Variants in NDST4 observed in about 807,000 individuals in gnomAD.
NDST4 encodes N-heparan sulfate sulfotransferase 4.
A neutral mutation model predicts 100.8 loss-of-function variants in NDST4; 63 were observed. The observed-to-expected ratio is 0.62, with a 90% CI of 0.51 to 0.77. The LOEUF (loss-of-function observed/expected upper bound fraction) is 0.77. NDST4 is among the 30% of genes least tolerant of loss of function. The pLI is 0.00. For synonymous variants in NDST4, 377 were observed against 361.8 expected (o/e 1.04, Z -0.48); for missense variants, 943 against 1,018.4 (o/e 0.93, Z 1.01).
chr4:114,936,045 G>A (rs1725622709), intron 5 of NDST4, among the ~76,000 whole-genome samples: 2 of 150,274 alleles, frequency 1.3e-5, no homozygotes, highest in South Asian at 4.2e-4. Context: ...TTAAACTTAA[G>A]GTAAATAAAT....
intron 1 of NDST4, among the ~76,000 whole-genome samples, chr4:115,097,881 G>T (rs1578519638): frequency 6.6e-6 from 1 of 152,052 alleles, no homozygotes; most frequent in Admixed American, 6.6e-5. Flanking sequence ...GTACTTCTAG[G>T]CTTCTGGACT....
At chr4:114,851,217 T>G (rs2126188376) in intron 8 of NDST4, among the ~76,000 whole-genome samples, 1 of 152,314 alleles carries the variant, frequency 6.6e-6, no homozygotes, top group Admixed American at 6.5e-5. Flanking sequence ...TTATAGTCTC[T>G]GACAGCACTG....
chr4:114,929,101 C>T (rs113115187), intron 6 of NDST4, among the ~76,000 whole-genome samples: 10,113 of 128,964 alleles, frequency 0.078, 588 homozygotes, highest in East Asian at 0.25. Flanking sequence ...TCCATCCATC[C>T]ATCCATCCAT....
At chr4:114,831,157 A>G (rs1723189479) in intron 12 of NDST4, among the ~76,000 whole-genome samples, 1 of 148,488 alleles carries the variant, frequency 6.7e-6, no homozygotes, top group Non-Finnish European at 1.5e-5. Flanking sequence ...GGTTCACGCC[A>G]TTCTCCTGCC....
chr4:114,955,335 G>A (rs1726113994), intron 4 of NDST4, among the ~76,000 whole-genome samples: 1 of 152,080 alleles, frequency 6.6e-6, no homozygotes, highest in African/African-American at 2.4e-5. Flanking sequence ...GCAACTACAG[G>A]AACGGAGGCA....
chr4:114,979,880 A>G (rs1390576350), intron 2 of NDST4, among the ~76,000 whole-genome samples: 1 of 152,222 alleles, frequency 6.6e-6, no homozygotes, highest in Non-Finnish European at 1.5e-5. Flanking sequence ...AAAGTTTTCA[A>G]GGCTTCCTTG....
chr4:114,965,799 A>C (rs1479678819), intron 4 of NDST4, among the ~76,000 whole-genome samples: 1 of 152,074 alleles, frequency 6.6e-6, no homozygotes, highest in Non-Finnish European at 1.5e-5. Flanking sequence ...GAATAAAGGT[A>C]AACAGTTCAG....
intron 6 of NDST4, among the ~76,000 whole-genome samples, chr4:114,873,535 C>T (rs1180537487): frequency 6.6e-6 from 1 of 151,942 alleles, no homozygotes; most frequent in Non-Finnish European, 1.5e-5. Context: ...AAACATAACA[C>T]TGTCCAATGT....
At chr4:114,837,457 T>C (rs572253852) in intron 11 of NDST4, among the ~76,000 whole-genome samples, 77 of 152,236 alleles carry the variant, frequency 5.1e-4, no homozygotes, top group African/African-American at 1.8e-3. Flanking sequence ...CAAACAAGCA[T>C]GGTACTGGCA....
intron 6 of NDST4, among the ~76,000 whole-genome samples, chr4:114,877,535 T>A (rs1724280869): frequency 6.6e-6 from 1 of 152,164 alleles, no homozygotes; most frequent in African/African-American, 2.4e-5. Flanking sequence ...CAATAATAGA[T>A]TTCCACTAAG....
intron 6 of NDST4, among the ~76,000 whole-genome samples, chr4:114,918,803 T>A (rs769327307): frequency 6.6e-6 from 1 of 152,150 alleles, no homozygotes; most frequent in Non-Finnish European, 1.5e-5. Context: ...ATTGAGAACA[T>A]AGGGGAGCAC....
At chr4:114,842,410 C>T (rs1243675380) in intron 10 of NDST4, among the ~76,000 whole-genome samples, 1 of 151,664 alleles carries the variant, frequency 6.6e-6, no homozygotes, top group Non-Finnish European at 1.5e-5. Context: ...AAGCTTCAAC[C>T]CAGGGATTCT....
chr4:114,908,983 A>C (rs1725008422), intron 6 of NDST4, among the ~76,000 whole-genome samples: 1 of 152,222 alleles, frequency 6.6e-6, no homozygotes, highest in Non-Finnish European at 1.5e-5. Context: ...ATTTTACGAA[A>C]AATATGTTTC....
chr4:114,994,744 TACTTTGAGCTTGGAA>T (rs1380415712), intron 2 of NDST4, among the ~76,000 whole-genome samples: 2 of 152,096 alleles, frequency 1.3e-5, no homozygotes, highest in African/African-American at 4.8e-5. Context: ...ATATGAAGAA[TACTTTGAGCTTGGAA>T]AAAATCTTAT....
intron 4 of NDST4, among the ~76,000 whole-genome samples, chr4:114,963,928 C>T (rs1220688169): frequency 2.0e-5 from 3 of 152,106 alleles, no homozygotes; most frequent in African/African-American, 4.8e-5. Context: ...AACTAGTTAT[C>T]GCTGTCTCCT....
intron 5 of NDST4, among the ~76,000 whole-genome samples, chr4:114,936,372 C>T (rs1725628782): frequency 6.6e-6 from 1 of 152,104 alleles, no homozygotes. Flanking sequence ...TATTGTGTAT[C>T]AGCTCTGGTT....
At chr4:114,973,706 A>G (rs1278050274) in intron 3 of NDST4, among the ~76,000 whole-genome samples, 3 of 151,882 alleles carry the variant, frequency 2.0e-5, no homozygotes, top group Non-Finnish European at 4.4e-5. Flanking sequence ...TTTGCCCTAC[A>G]GGTTAATCTC....
At chr4:114,928,346 C>T (rs1407866032) in intron 6 of NDST4, among the ~76,000 whole-genome samples, 1 of 152,150 alleles carries the variant, frequency 6.6e-6, no homozygotes, top group Non-Finnish European at 1.5e-5. Context: ...CATCAAGTAG[C>T]CCCAATATTT....
intron 7 of NDST4, among the ~76,000 whole-genome samples, chr4:114,858,538 C>T (rs1387932144): frequency 6.6e-6 from 1 of 152,142 alleles, no homozygotes; most frequent in Admixed American, 6.5e-5. Context: ...AGTTGAGGTA[C>T]CAGCTTGAAG....
Sources: allele counts gnomAD v4.1 joint callset (sites outside exome capture counted in the v4.1 genomes callset), GRCh38; gene constraint gnomAD v4.1.1; transcripts MANE v1.5; gene names NCBI Gene and HGNC (gene_info 2026-07-23, HGNC 2026-07-21).